Variants in IFT52 observed in about 807,000 individuals in gnomAD.
IFT52 encodes intraflagellar transport 52, also known as intraflagellar transport protein 52 homolog.
In IFT52, 44 loss-of-function variants were observed where a neutral mutation model predicts 54.4. The ratio of observed to expected loss-of-function variants is 0.81; its 90% CI spans 0.63 to 1.04. The LOEUF is 1.04. IFT52 is among the 50% of genes least tolerant of loss of function. IFT52 has a pLI of 0.00. For missense variants in IFT52, 452 were observed against 523.6 expected (o/e 0.86, Z 1.33); for synonymous variants, 181 against 185.3 (o/e 0.98, Z 0.19).
intron 8 of IFT52, among the ~76,000 whole-genome samples, chr20:43,620,586 G>T (rs1429401278): frequency 6.6e-6 from 1 of 152,164 alleles, no homozygotes; most frequent in African/African-American, 2.4e-5. Flanking sequence ...AACCCAGGAG[G>T]TGGAGGTTGC....
chr20:43,598,084 A>G (rs898742845), intron 3 of IFT52, among the ~76,000 whole-genome samples: 4 of 152,180 alleles, frequency 2.6e-5, no homozygotes, highest in Non-Finnish European at 5.9e-5. Context: ...TGGTATATAC[A>G]TACAATGGAA....
At chr20:43,640,588 T>TAA (rs2145677150) in intron 12 of IFT52, among the ~76,000 whole-genome samples, 1 of 152,340 alleles carries the variant, frequency 6.6e-6, no homozygotes, top group South Asian at 2.1e-4. Context: ...TGTGAAAACT[T>TAA]ACATTTACAC....
intron 8 of IFT52, 139 bp downstream of exon 8, chr20:43,619,165 T>A: frequency 1.6e-6 from 1 of 641,372 alleles, no homozygotes; most frequent in East Asian, 2.8e-5. Context: ...GAATACAAAG[T>A]CGAGTCAGGC....
At chr20:43,609,013 A>G (rs925981378) in intron 6 of IFT52, among the ~76,000 whole-genome samples, 3 of 151,990 alleles carry the variant, frequency 2.0e-5, no homozygotes, top group Admixed American at 6.6e-5. Flanking sequence ...AGATGGGCCA[A>G]TGGGTTGAGG....
chr20:43,642,579 T>C lies in IFT52; in HGVS notation c.1221T>C (p.Leu407=). ...PKDQQDAKHI[L]EHVFFQVVEF... ...ACCAACAGGATGCCAAACATATCCT[T>C]GAGCACGTCTTCTTCCAAGTGGTGG... Residue 407 remains leucine, a synonymous_variant, in exon 13 of 14, where the codon CTT becomes CTC. Transcript: ENST00000373030. The C allele has an allele frequency of 6.2e-7, 1 of 1,614,092 alleles. No homozygotes were observed. The highest frequency in any genetic ancestry group is 8.5e-7 in the Non-Finnish European group (1 of 1,179,948).
chr20:43,623,949 G>A lies in IFT52; in HGVS notation c.827G>A (p.Cys276Tyr). ...ACCCTATCAAAGCGGAATCGAGAGT[G>A]TCTCCAGGAGAGTGATGAGATCCCA... ...TATLSKRNRE[C>Y]LQESDEIPRD... Residue 276 changes from cysteine (C) to tyrosine (Y), a missense_variant, in exon 10 of 14, where the codon TGT becomes TAT. Physicochemically the swap from Cys to Tyr is radical, Grantham distance 194 (BLOSUM62 -2). Coordinates refer to ENST00000373030, the MANE Select transcript of IFT52 (RefSeq NM_016004.5). 1.2e-6 allele frequency: 2 copies of A among 1,614,116 alleles called. No homozygotes were observed. The highest frequency in any genetic ancestry group is 2.7e-5 in the African/African-American group (2 of 75,012).
chr20:43,614,654 AT>A (rs1272755908), intron 7 of IFT52, among the ~76,000 whole-genome samples: 1 of 152,004 alleles, frequency 6.6e-6, no homozygotes, highest in Non-Finnish European at 1.5e-5. Context: ...GAGTTAACAT[AT>A]TACACAAAAT....
At position 43,623,990 on chromosome 20, in the gene IFT52, C is replaced by T. The variant is rs1055843580; in HGVS notation, c.868C>T (p.Leu290Phe). The T allele has an allele frequency of 3.1e-6, 5 of 1,614,048 alleles. No individual in the cohort carries two copies. The highest frequency in any genetic ancestry group is 4.2e-6 in the Non-Finnish European group (5 of 1,180,026). Residue 290 changes from leucine to phenylalanine, a missense_variant, in exon 10 of 14, where the codon CTC (leucine) becomes TTC (phenylalanine). Transcript: ENST00000373030. Reference sequence around the variant, plus strand: ...TGAGATCCCAAGGGACTTTACCACCCTCTTCGACCTGTCCATCTTCCAGCT... The same window carrying T: ...TGAGATCCCAAGGGACTTTACCACCTTCTTCGACCTGTCCATCTTCCAGCT... The part of the protein sequence containing the change: ...SDEIPRDFTT[L>F]FDLSIFQLDT...
intron 10 of IFT52, among the ~76,000 whole-genome samples, chr20:43,628,910 A>C (rs1055275038): frequency 1.3e-5 from 2 of 151,878 alleles, no homozygotes; most frequent in African/African-American, 4.8e-5. Flanking sequence ...GGCATATATT[A>C]GGCCTCTAGG....
chr20:43,620,166 CT>C (rs1984180956), intron 8 of IFT52, among the ~76,000 whole-genome samples: 1 of 151,912 alleles, frequency 6.6e-6, no homozygotes, highest in African/African-American at 2.4e-5. Context: ...ATCCACCTGC[CT>C]CAGCCTCCCA....
chr20:43,591,561 A>G (rs974532061), intron 1 of IFT52, among the ~76,000 whole-genome samples: 1 of 152,214 alleles, frequency 6.6e-6, no homozygotes, highest in Non-Finnish European at 1.5e-5. Context: ...ACAAAAAAAG[A>G]TAGATGTATC....
chr20:43,614,706 A>T (rs963899888), intron 7 of IFT52, among the ~76,000 whole-genome samples: 1 of 151,770 alleles, frequency 6.6e-6, no homozygotes, highest in Non-Finnish European at 1.5e-5. Context: ...CTAGGAAAAT[A>T]TATCAGAAAA....
chr20:43,615,520 C>T lies in IFT52; in HGVS notation c.612+1544C>T, dbSNP rs532577625. Among the ~76,000 whole-genome samples, 11 of 151,708 alleles carry T rather than the reference C, an allele frequency of 7.3e-5. No individual in the cohort carries two copies. The South Asian group carries it at 1.1e-3, about 15-fold the overall frequency. On this transcript the variant is annotated intron_variant, in intron 7 of 13. Transcript: ENST00000373030. ...CTTTCCCTTCTTATTTAAAAGCTCT[C>T]GGGCTGGGCGTGGTGGCTCACACCT...
intron 12 of IFT52, chr20:43,642,200 C>T (rs1985963495): frequency 6.6e-6 from 2 of 304,760 alleles, no homozygotes; most frequent in Admixed American, 4.8e-5. Flanking sequence ...ACTGTTGCAC[C>T]TGTTCTTTCT....
At chr20:43,646,811 C>T in intron 13 of IFT52, 125 bp from the exon 14 acceptor site, 1 of 837,468 alleles carries the variant, frequency 1.2e-6, no homozygotes, top group South Asian at 1.6e-5. Flanking sequence ...GCCCTAAAGC[C>T]AGATATTATG....
chr20:43,625,689 C>T (rs539797593), intron 10 of IFT52, among the ~76,000 whole-genome samples: 17 of 152,236 alleles, frequency 1.1e-4, no homozygotes, highest in African/African-American at 4.1e-4. Flanking sequence ...GGAAGAGCAA[C>T]AAGGCCATCG....
intron 10 of IFT52, among the ~76,000 whole-genome samples, chr20:43,624,640 G>A (rs940500141): frequency 3.3e-5 from 5 of 152,190 alleles, no homozygotes; most frequent in Admixed American, 1.3e-4. Context: ...GTCAGTGCTT[G>A]AGAGGCAGGA....
In IFT52 at chr20:43,591,036, G is replaced by C. The variant is rs890268129; in HGVS notation, c.-25G>C. The C allele has an allele frequency of 6.6e-6, 1 of 152,300 alleles. No individual in the cohort carries two copies. The highest frequency in any genetic ancestry group is 2.4e-5 in the African/African-American group (1 of 41,472). 9.4% of individuals were successfully genotyped at this position (152,300 alleles called of 1,614,324 possible). A position where few individuals can be genotyped will look rare whatever the true frequency, so the allele number is the denominator to read the frequency against. Reference sequence around the variant, plus strand: ...GGATGCTGGGCGGCGTCAGGTGAGCGGTGGTCGCTGGGCCTCAGGTAAAGG... The same window carrying C: ...GGATGCTGGGCGGCGTCAGGTGAGCCGTGGTCGCTGGGCCTCAGGTAAAGG... On this transcript the variant is annotated 5_prime_UTR_variant, in exon 1 of 14. Coordinates refer to ENST00000373030, the MANE Select transcript of IFT52 (RefSeq NM_016004.5).
chr20:43,626,501 C>T (rs1378472481), intron 10 of IFT52, among the ~76,000 whole-genome samples: 1 of 152,092 alleles, frequency 6.6e-6, no homozygotes, highest in Admixed American at 6.6e-5. Context: ...CTACCTCGGC[C>T]TCCCAAAGTG....
Sources: allele counts gnomAD v4.1 joint callset (sites outside exome capture counted in the v4.1 genomes callset), GRCh38; gene constraint gnomAD v4.1.1; transcripts MANE v1.5; gene names NCBI Gene and HGNC (gene_info 2026-07-23, HGNC 2026-07-21).